Variants in DNAJC17 observed in about 807,000 individuals in gnomAD.
The protein encoded by DNAJC17 is dnaJ homolog subfamily C member 17.
Under a neutral mutation model 48.1 loss-of-function variants are expected in DNAJC17, and 35 were observed. That is an observed-to-expected ratio of 0.73 (90% CI 0.56 to 0.96). The LOEUF is 0.96. DNAJC17 is among the 50% of genes least tolerant of loss of function. The pLI is 0.00. For missense variants in DNAJC17, 355 were observed against 377.1 expected, an observed-to-expected ratio of 0.94 and a Z score of 0.48; for synonymous variants, 117 against 142.7, an observed-to-expected ratio of 0.82 and a Z score of 1.28.
chr15:40,807,135 G>T, intron 1 of DNAJC17: 1 of 1,051,838 alleles, frequency 9.5e-7, no homozygotes, highest in Non-Finnish European at 1.3e-6. Context: ...AGGGGCCACG[G>T]GGAGAGCACA....
chr15:40,784,725 T>G (rs992370124), intron 1 of DNAJC17, among the ~76,000 whole-genome samples: 2 of 152,156 alleles, frequency 1.3e-5, no homozygotes, highest in Non-Finnish European at 2.9e-5. Flanking sequence ...ACCCTAAACC[T>G]CTGCCAGAGT....
At chr15:40,795,475 A>C (rs562771028) in intron 1 of DNAJC17, among the ~76,000 whole-genome samples, 53 of 152,302 alleles carry the variant, frequency 3.5e-4, no homozygotes, top group Admixed American at 1.3e-3. Flanking sequence ...AGAGTTTGAC[A>C]CACAATAGGC....
chr15:40,767,218 C>A lies in DNAJC17; in HGVS notation c.*722G>T. ...CCTCCTCACCCCCCCCATCCTGTCT[C>A]TTTGCAGTTATGAATACTACGTCGA... On this transcript the variant is annotated 3_prime_UTR_variant, in exon 11 of 11. Transcript: ENST00000220496. The A allele has an allele frequency of 6.6e-7, 1 of 1,512,014 alleles. No homozygotes were observed. The highest frequency in any genetic ancestry group is 8.9e-7 in the Non-Finnish European group (1 of 1,128,016). 93.7% of individuals were successfully genotyped at this position (1,512,014 alleles called of 1,614,324 possible).
At chr15:40,780,293 G>A (rs1889448459) in intron 1 of DNAJC17, 2 of 562,470 alleles carry the variant, frequency 3.6e-6, no homozygotes, top group South Asian at 3.1e-5. Flanking sequence ...TTTCTCGACA[G>A]CCACTCGAAG....
At chr15:40,799,073 T>C (rs1890009830) in intron 1 of DNAJC17, among the ~76,000 whole-genome samples, 1 of 151,476 alleles carries the variant, frequency 6.6e-6, no homozygotes, top group Non-Finnish European at 1.5e-5. Flanking sequence ...CAAAAAAAAT[T>C]AGCCATGGTG....
At chr15:40,778,063 G>A (rs1889379900) in intron 4 of DNAJC17, among the ~76,000 whole-genome samples, 2 of 151,658 alleles carry the variant, frequency 1.3e-5, no homozygotes, top group Admixed American at 6.6e-5. Flanking sequence ...ACAGCGGCTC[G>A]CACCTGTAGT....
intron 1 of DNAJC17, among the ~76,000 whole-genome samples, chr15:40,800,500 A>ATTTTTTTTAATTTTTTTAATT (rs1890050067): frequency 6.3e-5 from 9 of 142,888 alleles, no homozygotes; most frequent in Admixed American, 6.2e-4. Flanking sequence ...TTTTTTTTTA[A>ATTTTTTTTAATTTTTTTAATT]TTTTTTTACA....
At chr15:40,774,035 GAGGCGAGGAGCACAAAGGGTGGGA>G (rs909284590) in intron 9 of DNAJC17, among the ~76,000 whole-genome samples, 198 bp from the exon 10 acceptor site, 3 of 152,212 alleles carry the variant, frequency 2.0e-5, no homozygotes, top group African/African-American at 7.2e-5. Flanking sequence ...CTGATGTGGG[GAGGCGAGGAGCACAAAGGGTGGGA>G]AGGCAGTGCT....
At chr15:40,779,418 T>C in intron 3 of DNAJC17, 108 bp from the exon 4 acceptor site, 1 of 1,548,628 alleles carries the variant, frequency 6.5e-7, no homozygotes, top group Non-Finnish European at 8.9e-7. Context: ...GGCAGCCTGG[T>C]GACTGGGTCT....
rs530770487 is a variant in DNAJC17 at position 40,784,116 on chromosome 15, A to C, written c.79-4119T>G. On this transcript the variant is annotated intron_variant, in intron 1 of 10. Coordinates refer to ENST00000220496, the MANE Select transcript of DNAJC17 (RefSeq NM_018163.3). ...GTGGCACACGCCTGTAGTCCCAGCT[A>C]CTAGGGAGGCTGAGGCAGGAACCTG... 5.7e-4 allele frequency among the ~76,000 whole-genome samples: 87 copies of C among 152,132 alleles called. 2 individuals carry two copies. Among genetic ancestry groups the C allele is most frequent in the Admixed American group, 5.4e-3 (82 of 15,282 alleles).
chr15:40,779,209 A>G lies in DNAJC17; in HGVS notation c.295+14T>C, dbSNP rs1351170839. The G allele has an allele frequency of 8.7e-6, 14 of 1,613,290 alleles. No homozygotes were observed. Among genetic ancestry groups the G allele is most frequent in the Non-Finnish European group, 1.1e-5 (13 of 1,179,240 alleles). On this transcript the variant is annotated intron_variant, in intron 4 of 10. Coordinates refer to ENST00000220496, the MANE Select transcript of DNAJC17 (RefSeq NM_018163.3). ...AGGAAACCACAGGCCACCGAGCACT[A>G]TGATGGCACCTACCAAGCTTCACTT...
chr15:40,770,434 A>G lies in DNAJC17; in HGVS notation c.793-2372T>C. The G allele has an allele frequency of 6.8e-7, 1 of 1,479,704 alleles. No homozygotes were observed. Among genetic ancestry groups the G allele is most frequent in the Non-Finnish European group, 9.0e-7 (1 of 1,109,280 alleles). 91.7% of individuals were successfully genotyped at this position (1,479,704 alleles called of 1,614,324 possible). On this transcript the variant is annotated intron_variant, in intron 10 of 10. Coordinates refer to ENST00000220496, the MANE Select transcript of DNAJC17 (RefSeq NM_018163.3). This position sits in a 1 kb window ranked among gnomAD's most constrained non-coding sequence, Gnocchi z 5.0. ...CCCAGCTGCTGGCACTCACTGCCCC[A>G]GCAGGGACCACATGCACCCTGGCTG...
intron 1 of DNAJC17, among the ~76,000 whole-genome samples, chr15:40,805,825 C>T (rs930314956): frequency 6.6e-6 from 1 of 151,618 alleles, no homozygotes; most frequent in Non-Finnish European, 1.5e-5. Context: ...AGCGAGACTC[C>T]GTCTCAAAAA....
At position 40,773,710 on chromosome 15, in the gene DNAJC17, G is replaced by A. The variant is rs778863714; in HGVS notation, c.792+17C>T. 12 of 1,604,542 alleles carry A rather than the reference G, an allele frequency of 7.5e-6. No homozygotes were observed. Among genetic ancestry groups the A allele is most frequent in the Non-Finnish European group, 6.8e-6 (8 of 1,174,190 alleles). ...CCGAGACCTGAGCGCCCAGCCGGGCGAGGCCTGACTCCTCACCTTTGACAG... is the reference window on the plus strand; with the variant it reads ...CCGAGACCTGAGCGCCCAGCCGGGCAAGGCCTGACTCCTCACCTTTGACAG... On this transcript the variant is annotated intron_variant, in intron 10 of 10. Coordinates refer to ENST00000220496, the MANE Select transcript of DNAJC17 (RefSeq NM_018163.3).
intron 1 of DNAJC17, among the ~76,000 whole-genome samples, chr15:40,803,886 G>T (rs1006853581): frequency 6.6e-6 from 1 of 152,024 alleles, no homozygotes; most frequent in African/African-American, 2.4e-5. Flanking sequence ...CTCTTGCCTA[G>T]ACACCAGCCC....
chr15:40,785,778 C>T (rs1440822359), intron 1 of DNAJC17, among the ~76,000 whole-genome samples: 1 of 152,134 alleles, frequency 6.6e-6, no homozygotes, highest in East Asian at 1.9e-4. Context: ...GGTTCACTCC[C>T]AGGGTCTCTG....
chr15:40,767,840 T>C lies in DNAJC17; in HGVS notation c.*100A>G, dbSNP rs760879906. The C allele has an allele frequency of 3.3e-5, 50 of 1,529,336 alleles. No homozygotes were observed. The highest frequency in any genetic ancestry group is 4.2e-5 in the Non-Finnish European group (48 of 1,140,994). 94.7% of individuals were successfully genotyped at this position (1,529,336 alleles called of 1,614,324 possible). ...GCGCTCTGCGGCAGAGCCCAGCACC[T>C]TATACCTATGTATGGGATAGAGGTA... is the stretch of plus-strand genomic sequence containing the variant. On this transcript the variant is annotated 3_prime_UTR_variant, in exon 11 of 11. Coordinates refer to ENST00000220496, the MANE Select transcript of DNAJC17 (RefSeq NM_018163.3).
intron 7 of DNAJC17, 85 bp from the exon 8 acceptor site, chr15:40,775,193 C>T: frequency 7.1e-7 from 1 of 1,412,866 alleles, no homozygotes; most frequent in Non-Finnish European, 9.9e-7. Flanking sequence ...GAGCAGACAT[C>T]CTCCCACCCT....
chr15:40,771,076 A>G (rs931805171), intron 10 of DNAJC17: 65 of 1,510,636 alleles, frequency 4.3e-5, no homozygotes, highest in Non-Finnish European at 5.1e-5. Context: ...GAGGCTGGGG[A>G]TTAAGGAAAG....
Sources: gnomAD v4.1 joint callset for allele counts (sites outside exome capture counted in the v4.1 genomes callset) on GRCh38, gnomAD v4.1.1 for gene constraint, Gnocchi (gnomAD v3.1) non-coding constraint, MANE v1.5 for transcripts, NCBI Gene and HGNC (gene_info 2026-07-23, HGNC 2026-07-21) for gene names.